The following ZMYM5 variants were observed in gnomAD, a reference collection of about 807,000 sequenced individuals.
ZMYM5 encodes zinc finger MYM-type protein 5.
ZMYM5 carries 41 observed loss-of-function variants against 61.8 expected under a neutral mutation model. The ratio of observed to expected loss-of-function variants is 0.66; its 90% CI spans 0.52 to 0.86. ZMYM5 has a LOEUF of 0.86. Ranked by LOEUF, ZMYM5 falls within the 40% of genes least tolerant of loss-of-function variation. ZMYM5 has a pLI of 0.00. For synonymous variants in ZMYM5, 257 were observed against 276.4 expected (o/e 0.93, Z 0.70); for missense variants, 706 against 786.7 (o/e 0.90, Z 1.23).
intron 1 of ZMYM5, among the ~76,000 whole-genome samples, chr13:19,863,217 G>A (rs1277621410): frequency 1.3e-5 from 1 of 78,504 alleles, no homozygotes; most frequent in Non-Finnish European, 2.6e-5. Flanking sequence ...CCTCCCCGCC[G>A]GCCCCGCGAC....
rs776246574 is a variant in ZMYM5 at position 19,838,932 on chromosome 13, C to T, written c.640G>A (p.Val214Met). ...AAGGCCACTGGTGATAAAGAATCCACCCCTGGCTGTTTCTGATTACTGGGA... is the reference window on the plus strand; with the variant it reads ...AAGGCCACTGGTGATAAAGAATCCATCCCTGGCTGTTTCTGATTACTGGGA... ...SFPSNQKQPG[V>M]DSLSPVALLR... The change falls in exon 5 of 8, where the codon GTG (valine) becomes ATG (methionine). Residue 214 changes from valine (V) to methionine (M), a missense_variant. Transcript: ENST00000337963. 1.9e-6 allele frequency: 3 copies of T among 1,614,132 alleles called. No homozygotes were observed. The East Asian group carries it at 6.7e-5, about 36-fold the overall frequency.
At chr13:19,852,222 T>C (rs1448287406) in intron 2 of ZMYM5, 32 bp from the exon 3 acceptor site, 6 of 1,501,602 alleles carry the variant, frequency 4.0e-6, no homozygotes, top group Non-Finnish European at 5.3e-6. Flanking sequence ...AAAAAAGTTC[T>C]AGTATGTTAT....
chr13:19,828,280 C>A (rs1056754162), intron 7 of ZMYM5, among the ~76,000 whole-genome samples: 2 of 152,042 alleles, frequency 1.3e-5, no homozygotes, highest in Non-Finnish European at 2.9e-5. Flanking sequence ...TCAAGACCAG[C>A]CTGGCCAACA....
intron 5 of ZMYM5, 87 bp from the exon 6 acceptor site, chr13:19,837,908 T>C (rs1952726790): frequency 5.2e-5 from 73 of 1,399,008 alleles, no homozygotes; most frequent in Non-Finnish European, 7.0e-5. Flanking sequence ...CATTTTTCAT[T>C]TTCTTATGAT....
intron 2 of ZMYM5, among the ~76,000 whole-genome samples, chr13:19,856,103 A>G (rs1475417242): frequency 6.6e-6 from 1 of 152,194 alleles, no homozygotes; most frequent in East Asian, 1.9e-4. Context: ...TAACCATGAA[A>G]AACTTTAATT....
At chr13:19,836,964 T>C (rs113086025) in intron 6 of ZMYM5, among the ~76,000 whole-genome samples, 2 of 152,294 alleles carry the variant, frequency 1.3e-5, no homozygotes, top group African/African-American at 4.8e-5. Context: ...GCTTTCTAAT[T>C]TTAACTTTTA....
At chr13:19,856,643 A>G (rs889792948) in intron 2 of ZMYM5, among the ~76,000 whole-genome samples, 1 of 146,394 alleles carries the variant, frequency 6.8e-6, no homozygotes, top group Non-Finnish European at 1.5e-5. Flanking sequence ...TCTGTCTCAG[A>G]AGAAAAAAAA....
At chr13:19,857,319 C>T (rs1018465211) in intron 2 of ZMYM5, among the ~76,000 whole-genome samples, 6 of 152,048 alleles carry the variant, frequency 3.9e-5, no homozygotes, top group Non-Finnish European at 7.4e-5. Context: ...TGGGAAACAA[C>T]GTAAATTTAA....
In ZMYM5 at chr13:19,851,716, G is replaced by T. The variant is rs1161223768; in HGVS notation, c.465C>A (p.Phe155Leu). 1.3e-6 allele frequency: 2 copies of T among 1,579,624 alleles called. No individual in the cohort carries two copies. The highest frequency in any genetic ancestry group is 8.6e-7 in the Non-Finnish European group (1 of 1,169,358). ...TACTTCTTGAAAGACTGGAAGTGGA[G>T]AAATCCAAATCGTTGGTTTTGTTTT... Reference protein sequence around the residue: ...GTKNKTNDLDFSTSSLSRSKT... With the variant: ...GTKNKTNDLDLSTSSLSRSKT... Residue 155 changes from phenylalanine to leucine, a missense_variant, in exon 3 of 8, where the codon TTC becomes TTA. Coordinates refer to ENST00000337963, the MANE Select transcript of ZMYM5 (RefSeq NM_001142684.2).
At chr13:19,831,820 T>A (rs1211615546) in intron 7 of ZMYM5, among the ~76,000 whole-genome samples, 1 of 133,336 alleles carries the variant, frequency 7.5e-6, no homozygotes. Context: ...AAAAACCATA[T>A]GTATAGGTGT....
At chr13:19,825,858 T>A (rs1263026654) in intron 7 of ZMYM5, among the ~76,000 whole-genome samples, 1 of 151,834 alleles carries the variant, frequency 6.6e-6, no homozygotes, top group Non-Finnish European at 1.5e-5. Context: ...GTGGCAAATA[T>A]GGCGAAACCC....
chr13:19,845,910 T>A (rs1953057357), intron 4 of ZMYM5, among the ~76,000 whole-genome samples: 2 of 152,192 alleles, frequency 1.3e-5, no homozygotes, highest in African/African-American at 2.4e-5. Context: ...TCATTGGTCA[T>A]ATGACTGAAC....
At position 19,837,674 on chromosome 13, in the gene ZMYM5, A is replaced by G; in HGVS notation, c.1020T>C (p.Ile340=). ...TCCAGACCTCTGCTAATTTACTACA[A>G]ATTGTACATCTTGACTTATTAAAAA... is the stretch of plus-strand genomic sequence containing the variant. ...KGVFNKSRCT[I]CSKLAEIRHE... The change falls in exon 6 of 8, where the codon ATT becomes ATC. Residue 340 remains isoleucine, a synonymous_variant. Coordinates refer to ENST00000337963, the MANE Select transcript of ZMYM5 (RefSeq NM_001142684.2). 6.3e-7 allele frequency: 1 copy of G among 1,585,456 alleles called. No individual in the cohort carries two copies. The highest frequency in any genetic ancestry group is 2.3e-5 in the East Asian group (1 of 44,330).
chr13:19,838,420 G>A (rs572380930), intron 5 of ZMYM5, among the ~76,000 whole-genome samples: 3 of 152,094 alleles, frequency 2.0e-5, no homozygotes, highest in Non-Finnish European at 4.4e-5. Context: ...TAAATTCATA[G>A]AACTAAGGTG....
chr13:19,861,849 CA>C (rs58840015), intron 2 of ZMYM5, among the ~76,000 whole-genome samples: 16,197 of 137,684 alleles, frequency 0.12, 975 homozygotes, highest in Middle Eastern at 0.15. Context: ...TGTCTAGTAG[CA>C]AAAAAAAAAA....
Position 19,851,998 on chromosome 13 carries a change from C to T in ZMYM5, c.183G>A (p.Val61=). 2 of 1,613,840 alleles carry T rather than the reference C, an allele frequency of 1.2e-6. No individual in the cohort carries two copies. Among genetic ancestry groups the T allele is most frequent in the Non-Finnish European group, 1.7e-6 (2 of 1,179,974 alleles). ...AAGGAGGTTGTATAGATTCAATAAACACAACATCATCATCATCATCATCAT... is the reference window on the plus strand; with the variant it reads ...AAGGAGGTTGTATAGATTCAATAAATACAACATCATCATCATCATCATCAT... ...VEDDDDDDDV[V]FIESIQPPSI... is the part of the protein sequence containing the mutation. The change falls in exon 3 of 8, where the codon GTG becomes GTA. Residue 61 remains valine (V), a synonymous_variant. Transcript: ENST00000337963.
At chr13:19,843,025 A>C (rs1952936187) in intron 4 of ZMYM5, among the ~76,000 whole-genome samples, 1 of 149,488 alleles carries the variant, frequency 6.7e-6, no homozygotes, top group Non-Finnish European at 1.5e-5. Context: ...TATGTTGCCC[A>C]GTCTGGTCTC....
intron 1 of ZMYM5, among the ~76,000 whole-genome samples, chr13:19,863,231 C>T (rs1355112118): frequency 6.6e-6 from 1 of 151,564 alleles, no homozygotes; most frequent in Non-Finnish European, 1.5e-5. Context: ...CCGCGACCTC[C>T]GCCGCTGGCG....
chr13:19,838,598 C>T (rs1952750809), intron 5 of ZMYM5, 102 bp downstream of exon 5: 1 of 1,421,400 alleles, frequency 7.0e-7, no homozygotes, highest in African/African-American at 1.4e-5. Flanking sequence ...ACTCCTGCAA[C>T]AATTCTACCC....
Sources: allele counts gnomAD v4.1 joint callset (sites outside exome capture counted in the v4.1 genomes callset), GRCh38; gene constraint gnomAD v4.1.1; transcripts MANE v1.5; gene names NCBI Gene and HGNC (gene_info 2026-07-23, HGNC 2026-07-21).